Variants in KCNIP4 observed in about 807,000 individuals in gnomAD.
KCNIP4 encodes potassium voltage-gated channel interacting protein 4.
A neutral mutation model predicts 34.0 loss-of-function variants in KCNIP4; 12 were observed. The observed-to-expected ratio is 0.35, with a 90% CI of 0.23 to 0.57. KCNIP4 has a LOEUF of 0.57. Ranked by LOEUF, KCNIP4 falls within the 20% of genes least tolerant of loss-of-function variation. The probability of loss-of-function intolerance (pLI) is 0.83; values close to 1 mark genes in which losing one functional copy is unlikely to be tolerated. For synonymous variants in KCNIP4, 124 were observed against 102.2 expected (o/e 1.21, Z -1.29); for missense variants, 238 against 311.7 (o/e 0.76, Z 1.78).
intron 1 of KCNIP4, among the ~76,000 whole-genome samples, chr4:21,221,129 G>C (rs1232590188): frequency 6.6e-6 from 1 of 152,104 alleles, no homozygotes; most frequent in Non-Finnish European, 1.5e-5. Context: ...ATGTTGCCCA[G>C]TCATGGATTA....
At chr4:21,396,264 G>T (rs1266734578) in intron 1 of KCNIP4, among the ~76,000 whole-genome samples, 1 of 151,832 alleles carries the variant, frequency 6.6e-6, no homozygotes, top group African/African-American at 2.4e-5. Context: ...TCTTAAAAAT[G>T]AGGATCCTGG....
rs955370745 is a variant in KCNIP4 at position 21,396,893 on chromosome 4, A to C, written c.62-514184T>G. 2.6e-5 allele frequency among the ~76,000 whole-genome samples: 4 copies of C among 152,226 alleles called. No homozygotes were observed. In the East Asian group the frequency reaches 7.7e-4, roughly 29 times the overall value. ...TGACACCTTGATTTTAGCCCAGTGA[A>C]ATGAATTCAAATTTCTGGTGTGCAG... On this transcript the variant is annotated intron_variant, in intron 1 of 8. Coordinates refer to ENST00000382152, the MANE Select transcript of KCNIP4 (RefSeq NM_025221.6).
chr4:21,699,115 A>G (rs112587281), intron 1 of KCNIP4, among the ~76,000 whole-genome samples: 2,016 of 152,340 alleles, frequency 0.013, 48 homozygotes, highest in African/African-American at 0.046. Flanking sequence ...AGGCAGAAGA[A>G]ATACACAATT....
intron 1 of KCNIP4, among the ~76,000 whole-genome samples, chr4:21,356,979 A>G (rs1013573531): frequency 3.9e-5 from 6 of 152,146 alleles, no homozygotes; most frequent in Non-Finnish European, 8.8e-5. Context: ...ATATAGACCA[A>G]TGGAACAGAA....
At chr4:21,027,031 A>G (rs550259686) in intron 1 of KCNIP4, among the ~76,000 whole-genome samples, 149 of 152,324 alleles carry the variant, frequency 9.8e-4, no homozygotes, top group Middle Eastern at 3.4e-3. Flanking sequence ...AATTTTCAAA[A>G]GATTATTCTG....
At chr4:21,859,619 C>G (rs1465390292) in intron 1 of KCNIP4, among the ~76,000 whole-genome samples, 1 of 130,216 alleles carries the variant, frequency 7.7e-6, no homozygotes, top group Non-Finnish European at 1.7e-5. Flanking sequence ...CAGAGCAAGA[C>G]TCCATTTCAA....
At chr4:21,047,193 CA>C (rs1336720397) in intron 1 of KCNIP4, among the ~76,000 whole-genome samples, 2 of 152,134 alleles carry the variant, frequency 1.3e-5, no homozygotes, top group Non-Finnish European at 2.9e-5. Context: ...ATCCCTTTTT[CA>C]AAGGCTTTTC....
intron 1 of KCNIP4, among the ~76,000 whole-genome samples, chr4:21,460,098 C>A (rs1330001784): frequency 2.6e-5 from 3 of 116,584 alleles, no homozygotes; most frequent in East Asian, 2.1e-4. Flanking sequence ...CAAAATCTGC[C>A]CCCCGCCCCC....
In KCNIP4 at chr4:21,948,700, T is replaced by C. The variant is rs1164273741; in HGVS notation, c.-69A>G. The C allele has an allele frequency of 2.0e-6, 3 of 1,493,706 alleles. No homozygotes were observed. In the African/African-American group the frequency reaches 4.2e-5, roughly 21 times the overall value. 92.5% of individuals were successfully genotyped at this position (1,493,706 alleles called of 1,614,324 possible). The stretch of plus-strand genomic sequence containing the variant: ...GGCCAGGGGCGTCTGTCCACGGGTC[T>C]GCACGGGAGCGCACCGCCGCTCGGC... On this transcript the variant is annotated 5_prime_UTR_variant, in exon 1 of 9. Coordinates refer to ENST00000382152, the MANE Select transcript of KCNIP4 (RefSeq NM_025221.6).
At chr4:20,825,712 G>T (rs1246692918) in intron 3 of KCNIP4, among the ~76,000 whole-genome samples, 1 of 152,216 alleles carries the variant, frequency 6.6e-6, no homozygotes, top group East Asian at 1.9e-4. Flanking sequence ...ATTACCAGAG[G>T]TGGGAGATGA....
chr4:21,177,090 A>G (rs1264483289), intron 1 of KCNIP4, among the ~76,000 whole-genome samples: 1 of 152,202 alleles, frequency 6.6e-6, no homozygotes, highest in Non-Finnish European at 1.5e-5. Flanking sequence ...TCCCTGAACT[A>G]GGATGACAGG....
intron 1 of KCNIP4, among the ~76,000 whole-genome samples, chr4:21,074,142 CTGGCCTCAT>C (rs1385742466): frequency 6.6e-6 from 1 of 152,166 alleles, no homozygotes; most frequent in Non-Finnish European, 1.5e-5. Context: ...CAGGATGATG[CTGGCCTCAT>C]AAAATGAGTT....
chr4:21,217,111 T>G (rs918253597), intron 1 of KCNIP4, among the ~76,000 whole-genome samples: 2 of 152,174 alleles, frequency 1.3e-5, no homozygotes, highest in African/African-American at 4.8e-5. Flanking sequence ...TCTCATTCAA[T>G]ATATGAGGAA....
chr4:21,900,504 C>A (rs574248451), intron 1 of KCNIP4, among the ~76,000 whole-genome samples: 55 of 152,286 alleles, frequency 3.6e-4, no homozygotes, highest in African/African-American at 1.3e-3. Flanking sequence ...TAGTACCAAT[C>A]CAGTAAGCTG....
intron 1 of KCNIP4, among the ~76,000 whole-genome samples, chr4:21,083,840 G>T (rs1746203317): frequency 6.6e-6 from 1 of 151,852 alleles, no homozygotes; most frequent in Non-Finnish European, 1.5e-5. Flanking sequence ...TCTGGAATTG[G>T]CGGCAGGGGA....
chr4:21,196,512 A>G (rs1205562841), intron 1 of KCNIP4, among the ~76,000 whole-genome samples: 1 of 152,200 alleles, frequency 6.6e-6, no homozygotes, highest in African/African-American at 2.4e-5. Flanking sequence ...AGACTTTCTT[A>G]CTTTCGAGGA....
At chr4:21,583,676 G>A (rs140347402) in intron 1 of KCNIP4, among the ~76,000 whole-genome samples, 130 of 151,848 alleles carry the variant, frequency 8.6e-4, no homozygotes, top group Middle Eastern at 3.4e-3. Flanking sequence ...TTGAAATACC[G>A]AACAAAGCCC....
At chr4:21,831,775 T>C (rs1196166971) in intron 1 of KCNIP4, among the ~76,000 whole-genome samples, 1 of 150,900 alleles carries the variant, frequency 6.6e-6, no homozygotes, top group Non-Finnish European at 1.5e-5. Flanking sequence ...AAACACTGAA[T>C]TGGAGAGAAC....
At chr4:20,858,246 GAAGAC>G (rs1472632510) in intron 2 of KCNIP4, among the ~76,000 whole-genome samples, 2 of 142,212 alleles carry the variant, frequency 1.4e-5, no homozygotes, top group South Asian at 4.6e-4. Context: ...AAAAAAAGAG[GAAGAC>G]ACGAGGAATG....
Sources: allele counts gnomAD v4.1 joint callset (sites outside exome capture counted in the v4.1 genomes callset), GRCh38; gene constraint gnomAD v4.1.1; transcripts MANE v1.5; gene names NCBI Gene and HGNC (gene_info 2026-07-23, HGNC 2026-07-21).